JDP2: variants seen among roughly 807,000 people sequenced by gnomAD.
JDP2 encodes Jun dimerization protein 2.
A neutral mutation model predicts 17.1 loss-of-function variants in JDP2; 9 were observed. The ratio of observed to expected loss-of-function variants is 0.53; its 90% CI spans 0.32 to 0.92. The LOEUF (loss-of-function observed/expected upper bound fraction) is 0.92, where lower values mean the gene tolerates loss of function less well. JDP2 is among the 40% of genes least tolerant of loss of function. The probability of loss-of-function intolerance (pLI) is 0.04; values close to 1 mark genes in which losing one functional copy is unlikely to be tolerated. For synonymous variants in JDP2, 107 were observed against 95.6 expected, an observed-to-expected ratio of 1.12 and a Z score of -0.69; for missense variants, 179 against 220.0, an observed-to-expected ratio of 0.81 and a Z score of 1.18.
Position 75,473,860 on chromosome 14 carries a change from T to C in JDP2, c.*4385T>C, listed in dbSNP as rs977806006. 3 of 152,216 alleles carry C rather than the reference T, an allele frequency of 2.0e-5. No individual in the cohort carries two copies. Among genetic ancestry groups the C allele is most frequent in the Admixed American group, 1.3e-4 (2 of 15,284 alleles). 9.4% of individuals were successfully genotyped at this position (152,216 alleles called of 1,614,324 possible). On this transcript the variant is annotated 3_prime_UTR_variant, in exon 4 of 4. Coordinates refer to ENST00000651602, the MANE Select transcript of JDP2 (RefSeq NM_001135048.2). ...ATGCTGTCAATATCACAATCAGTCA[T>C]AGGGAGTGCTCCTGGGAGGGCCGCG... is the stretch of plus-strand genomic sequence containing the variant.
intron 3 of JDP2, 87 bp downstream of exon 3, chr14:75,461,617 T>G (rs1211428683): frequency 4.9e-6 from 5 of 1,023,638 alleles, no homozygotes; most frequent in Non-Finnish European, 7.4e-6. Context: ...CAGATGTCTC[T>G]GTAGTCAATG....
At chr14:75,436,094 T>C (rs1283517260) in intron 1 of JDP2, among the ~76,000 whole-genome samples, 2 of 152,290 alleles carry the variant, frequency 1.3e-5, no homozygotes, top group African/African-American at 2.4e-5. Context: ...ATAGAACTTA[T>C]TGGGAAATAG....
intron 2 of JDP2, among the ~76,000 whole-genome samples, chr14:75,442,230 T>G (rs1885389609): frequency 6.6e-6 from 1 of 152,190 alleles, no homozygotes; most frequent in Non-Finnish European, 1.5e-5. Context: ...TTTAAAAAAT[T>G]GAATGAATTG....
At chr14:75,451,580 T>C (rs983100233) in intron 2 of JDP2, among the ~76,000 whole-genome samples, 1 of 151,416 alleles carries the variant, frequency 6.6e-6, no homozygotes, top group African/African-American at 2.4e-5. Context: ...GCGTATCGAG[T>C]GAGGAGAGTA....
chr14:75,447,033 C>A (rs1015867895), intron 2 of JDP2, among the ~76,000 whole-genome samples: 13 of 152,160 alleles, frequency 8.5e-5, no homozygotes, highest in African/African-American at 2.9e-4. Flanking sequence ...GCAAGGAGAA[C>A]AATCTGATAG....
intron 2 of JDP2, among the ~76,000 whole-genome samples, chr14:75,441,313 G>A (rs916146252): frequency 3.3e-5 from 5 of 152,216 alleles, no homozygotes; most frequent in Admixed American, 6.5e-5. Context: ...GACAGGTTTT[G>A]TGAATTATAA....
chr14:75,459,488 A>G (rs1053613320), intron 2 of JDP2, among the ~76,000 whole-genome samples: 5 of 152,176 alleles, frequency 3.3e-5, no homozygotes, highest in African/African-American at 4.8e-5. Flanking sequence ...GAGGAGGCAG[A>G]AAGGGGGCTG....
rs146143054 is a variant in JDP2 at position 75,446,283 on chromosome 14, A to C, written c.201+8162A>C. On this transcript the variant is annotated intron_variant, in intron 2 of 3. Coordinates refer to ENST00000651602, the MANE Select transcript of JDP2 (RefSeq NM_001135048.2). ...GCTAAACAGAGTTCCCATGCGATCC[A>C]GCCATTTCACTCCTACATATATTTC... is the stretch of plus-strand genomic sequence containing the variant. Among the ~76,000 whole-genome samples the C allele has an allele frequency of 5.3e-4, 81 of 152,352 alleles. 1 individual carries two copies. The highest frequency in any genetic ancestry group is 1.9e-3 in the African/African-American group (77 of 41,580).
intron 2 of JDP2, among the ~76,000 whole-genome samples, chr14:75,439,553 G>A (rs1477062201): frequency 2.0e-5 from 3 of 152,154 alleles, no homozygotes; most frequent in Non-Finnish European, 2.9e-5. Context: ...TTTTGCTTTT[G>A]CTACTACCAT....
At chr14:75,464,895 G>GC (rs1886506606) in intron 3 of JDP2, among the ~76,000 whole-genome samples, 1 of 152,252 alleles carries the variant, frequency 6.6e-6, no homozygotes, top group South Asian at 2.1e-4. Flanking sequence ...AATGCTGGCA[G>GC]CTTCTGTCTC....
chr14:75,460,832 C>G (rs1259362854), intron 2 of JDP2, among the ~76,000 whole-genome samples: 1 of 152,190 alleles, frequency 6.6e-6, no homozygotes, highest in Non-Finnish European at 1.5e-5. Flanking sequence ...ACCTGGATAT[C>G]TGTCTTAGTC....
At chr14:75,457,315 G>A (rs915230675) in intron 2 of JDP2, among the ~76,000 whole-genome samples, 10 of 152,252 alleles carry the variant, frequency 6.6e-5, no homozygotes, top group Non-Finnish European at 1.5e-4. Context: ...CAGCAGCCCT[G>A]ACTCTGGGGA....
chr14:75,468,873 C>G (rs1886683107), intron 3 of JDP2, among the ~76,000 whole-genome samples: 1 of 152,248 alleles, frequency 6.6e-6, no homozygotes, highest in Non-Finnish European at 1.5e-5. Context: ...TGGGTCCCCT[C>G]TTGGGCCCCC....
chr14:75,454,120 G>A (rs17103289), intron 2 of JDP2, among the ~76,000 whole-genome samples: 8,507 of 152,216 alleles, frequency 0.056, 463 homozygotes, highest in African/African-American at 0.14. Flanking sequence ...TGCAGACGGG[G>A]CCTGAGAAAC....
intron 2 of JDP2, chr14:75,445,546 T>C: frequency 1.0e-6 from 1 of 985,418 alleles, no homozygotes; most frequent in Non-Finnish European, 1.2e-6. Flanking sequence ...GCAGGACTGC[T>C]GCATTGGAAT....
At chr14:75,448,312 G>C (rs1461905111) in intron 2 of JDP2, among the ~76,000 whole-genome samples, 1 of 152,144 alleles carries the variant, frequency 6.6e-6, no homozygotes, top group Admixed American at 6.5e-5. Flanking sequence ...GCAGATTCTT[G>C]GGTCTTACCC....
intron 3 of JDP2, 53 bp from the exon 4 acceptor site, chr14:75,469,237 C>A (rs1202150552): frequency 1.2e-5 from 19 of 1,560,450 alleles, no homozygotes; most frequent in Non-Finnish European, 1.6e-5. Flanking sequence ...CAGAGCCTCT[C>A]CCCAGAGCCA....
At chr14:75,451,937 G>C (rs1358515498) in intron 2 of JDP2, among the ~76,000 whole-genome samples, 3 of 151,780 alleles carry the variant, frequency 2.0e-5, no homozygotes, top group African/African-American at 4.8e-5. Flanking sequence ...TCTTTTTTTC[G>C]AGACAGAGTC....
At chr14:75,447,360 G>A (rs539048567) in intron 2 of JDP2, among the ~76,000 whole-genome samples, 5 of 152,310 alleles carry the variant, frequency 3.3e-5, no homozygotes, top group Non-Finnish European at 5.9e-5. Context: ...CTATGAGGTG[G>A]TGTTAGTAGT....
Sources: gnomAD v4.1 joint callset for allele counts (sites outside exome capture counted in the v4.1 genomes callset) on GRCh38, gnomAD v4.1.1 for gene constraint, MANE v1.5 for transcripts, NCBI Gene and HGNC (gene_info 2026-07-23, HGNC 2026-07-21) for gene names.